Variants in RFX1 observed in about 807,000 individuals in gnomAD.
RFX1 encodes the protein regulatory factor X1, also known as MHC class II regulatory factor RFX1.
In RFX1, 42 loss-of-function variants were observed where a neutral mutation model predicts 119.6. That is an observed-to-expected ratio of 0.35 (90% CI 0.27 to 0.45). The LOEUF is 0.45. Ranked by LOEUF, RFX1 falls within the 20% of genes least tolerant of loss-of-function variation. RFX1 has a pLI of 1.00. For missense variants in RFX1, 1,118 were observed against 1,368.1 expected, an observed-to-expected ratio of 0.82 and a Z score of 2.88; for synonymous variants, 628 against 618.5, an observed-to-expected ratio of 1.02 and a Z score of -0.23.
At chr19:13,970,920 G>A (rs964720678) in intron 9 of RFX1, among the ~76,000 whole-genome samples, 1 of 151,844 alleles carries the variant, frequency 6.6e-6, no homozygotes, top group African/African-American at 2.4e-5. Context: ...GGAGGCAGAG[G>A]TTGCAGGGAG....
rs76113327 is a variant in RFX1, at chr19:13,967,530, G to A, written c.1733-779C>T. Among the ~76,000 whole-genome samples the A allele has an allele frequency of 7.1e-3, 1,072 of 151,144 alleles. 47 individuals are homozygous for A. The highest frequency in any genetic ancestry group is 0.064 in the Admixed American group (971 of 15,126). ...CTCACTGTGTCGCCCAGGCTGCAGT[G>A]CAATGGCATGATCTTGACTCACTGC... On this transcript the variant is annotated intron_variant, in intron 12 of 20. Coordinates refer to ENST00000254325, the MANE Select transcript of RFX1 (RefSeq NM_002918.5).
chr19:13,963,704 G>C lies in RFX1; in HGVS notation c.2404C>G (p.Gln802Glu). Reference protein sequence around the residue: ...WVCRCEDRVVQRLEQDFKVTL... With the variant: ...WVCRCEDRVVERLEQDFKVTL... ...ACCTTGAAGTCCTGCTCCAGCCGCT[G>C]CACCACGCGGTCCTCGCAGCGGCAC... Residue 802 changes from glutamine (Q) to glutamate (E), a missense_variant, in exon 18 of 21, where the codon CAG becomes GAG. Gln to Glu is a conservative substitution (Grantham distance 29). Coordinates refer to ENST00000254325, the MANE Select transcript of RFX1 (RefSeq NM_002918.5). 6.2e-7 allele frequency: 1 copy of C among 1,603,916 alleles called. No individual in the cohort carries two copies. The highest frequency in any genetic ancestry group is 8.5e-7 in the Non-Finnish European group (1 of 1,177,330).
chr19:13,989,707 C>T (rs938061809), intron 2 of RFX1, among the ~76,000 whole-genome samples: 27 of 152,160 alleles, frequency 1.8e-4, no homozygotes, highest in Admixed American at 1.8e-3. Context: ...TCAAAGAGTG[C>T]CCATGGAACC....
In RFX1 at chr19:13,966,404, C is replaced by A; in HGVS notation, c.1961+17G>T. ...TCCTCCCCCCTCTCCCTCCCACAGT[C>A]GCCGGGCAGTACTCACACAGCCAGC... On this transcript the variant is annotated intron_variant, in intron 14 of 20. Transcript: ENST00000254325. This position sits in a 1 kb window ranked among gnomAD's most constrained non-coding sequence, Gnocchi z 6.3. 2 of 1,552,330 alleles carry A rather than the reference C, an allele frequency of 1.3e-6. No individual in the cohort carries two copies. Among genetic ancestry groups the A allele is most frequent in the South Asian group, 2.2e-5 (2 of 89,666 alleles).
chr19:13,969,883 G>A lies in RFX1; in HGVS notation c.1496+111C>T. Reference sequence around the variant, plus strand: ...GGGGCTGTCGAGGAGCCTCGCAGAGGCCGGCGGGACTGGGCTGGACTGGAC... The same window carrying A: ...GGGGCTGTCGAGGAGCCTCGCAGAGACCGGCGGGACTGGGCTGGACTGGAC... On this transcript the variant is annotated intron_variant, in intron 10 of 20. Transcript: ENST00000254325. The surrounding 1 kb of genome is among the most constrained non-coding windows in gnomAD (Gnocchi z 4.5). 5 of 1,129,312 alleles carry A rather than the reference G, an allele frequency of 4.4e-6. No homozygotes were observed. The East Asian group carries it at 7.7e-5, about 17-fold the overall frequency. 70.0% of individuals were successfully genotyped at this position (1,129,312 alleles called of 1,614,324 possible).
chr19:13,967,354 T>C (rs1174330327), intron 12 of RFX1, among the ~76,000 whole-genome samples: 2 of 152,020 alleles, frequency 1.3e-5, no homozygotes, highest in African/African-American at 2.4e-5. Flanking sequence ...CTTTTTTTTT[T>C]TTTAAGAGAT....
In RFX1 at chr19:13,993,816, G is replaced by T. The variant is rs767143161; in HGVS notation, c.28C>A (p.Gln10Lys). The T allele has an allele frequency of 6.2e-7, 1 of 1,603,876 alleles. No homozygotes were observed. Among genetic ancestry groups the T allele is most frequent in the Non-Finnish European group, 8.5e-7 (1 of 1,176,344 alleles). MATQAYTEL[Q>K]AAPPPSQPPQ... ...GGCTGGGATGGTGGCGGGGCTGCCT[G>T]TAGCTCAGTATACGCCTGTGTTGCC... Residue 10 changes from glutamine to lysine, a missense_variant, in exon 2 of 21, where the codon CAG becomes AAG. Physicochemically the swap from Gln to Lys is moderately conservative, Grantham distance 53. Coordinates refer to ENST00000254325, the MANE Select transcript of RFX1 (RefSeq NM_002918.5).
rs1016848467 is a variant in RFX1, at chr19:13,969,662, A to G, written c.1496+332T>C. ...CCACAGAGTGAGACTCTTGTCTCCA[A>G]AAAAAAAAAAAAGTCACGTGTGAGC... is the stretch of plus-strand genomic sequence containing the variant. On this transcript the variant is annotated intron_variant, in intron 10 of 20. Transcript: ENST00000254325. The surrounding 1 kb of genome is among the most constrained non-coding windows in gnomAD (Gnocchi z 4.5). 7 of 186,990 alleles carry G rather than the reference A, an allele frequency of 3.7e-5. No homozygotes were observed. Among genetic ancestry groups the G allele is most frequent in the Non-Finnish European group, 6.6e-5 (6 of 90,806 alleles). 11.6% of individuals were successfully genotyped at this position (186,990 alleles called of 1,614,324 possible).
intron 4 of RFX1, 60 bp from the exon 5 acceptor site, chr19:13,982,288 G>T (rs1044283312): frequency 2.1e-6 from 2 of 960,182 alleles, no homozygotes; most frequent in Non-Finnish European, 2.8e-6. Flanking sequence ...CAGTTGCACC[G>T]AGCATCTGCG....
chr19:13,982,989 A>C, intron 4 of RFX1, 198 bp downstream of exon 4: 2 of 572,386 alleles, frequency 3.5e-6, no homozygotes, highest in Non-Finnish European at 6.2e-6. Flanking sequence ...TGGCTCCTGC[A>C]GCTCCTCTGT....
rs1430616288 is a variant in RFX1, at chr19:13,985,549, A to G, written c.320-1954T>C. On this transcript the variant is annotated intron_variant, in intron 2 of 20. Transcript: ENST00000254325. This position sits in a 1 kb window ranked among gnomAD's most constrained non-coding sequence, Gnocchi z 4.3. ...CAGAAGCAAGGAAGTGATCTGTCCA[A>G]GGTCAAATGCACCATCCACCGTGCA... is the stretch of plus-strand genomic sequence containing the variant. Among the ~76,000 whole-genome samples, 1 of 152,196 alleles carries G rather than the reference A, an allele frequency of 6.6e-6. No homozygotes were observed. Among genetic ancestry groups the G allele is most frequent in the African/African-American group, 2.4e-5 (1 of 41,448 alleles).
In RFX1 at chr19:13,970,126, G is replaced by A; in HGVS notation, c.1364C>T (p.Pro455Leu). 1 of 1,613,858 alleles carries A rather than the reference G, an allele frequency of 6.2e-7. No individual in the cohort carries two copies. The highest frequency in any genetic ancestry group is 8.5e-7 in the Non-Finnish European group (1 of 1,179,940). The change falls in exon 10 of 21, where the codon CCA (proline) becomes CTA (leucine). Residue 455 changes from proline to leucine, a missense_variant. Transcript: ENST00000254325. ...NYETAEGVSL[P>L]RSTLYCHYLL... ...GTAGTGGCAGTAGAGGGTGCTCCGTGGCAGACTCACGCCCTCAGCCGTCTC... is the reference window on the plus strand; with the variant it reads ...GTAGTGGCAGTAGAGGGTGCTCCGTAGCAGACTCACGCCCTCAGCCGTCTC...
chr19:13,986,456 G>A lies in RFX1; in HGVS notation c.320-2861C>T, dbSNP rs899847520. 6.6e-6 allele frequency among the ~76,000 whole-genome samples: 1 copy of A among 152,192 alleles called. No homozygotes were observed. The highest frequency in any genetic ancestry group is 1.5e-5 in the Non-Finnish European group (1 of 68,022). On this transcript the variant is annotated intron_variant, in intron 2 of 20. Coordinates refer to ENST00000254325, the MANE Select transcript of RFX1 (RefSeq NM_002918.5). This position sits in a 1 kb window ranked among gnomAD's most constrained non-coding sequence, Gnocchi z 4.2. ...ACAGGTGAGCCTGAGTGACTCATGCGGATGAGGGCTTCCTGTGCAGCCATC... is the reference window on the plus strand; with the variant it reads ...ACAGGTGAGCCTGAGTGACTCATGCAGATGAGGGCTTCCTGTGCAGCCATC...
At chr19:13,993,399 A>C in intron 2 of RFX1, 126 bp downstream of exon 2, 2 of 862,506 alleles carry the variant, frequency 2.3e-6, no homozygotes, top group Middle Eastern at 3.7e-4. Context: ...CCCCTGCCCT[A>C]GTGATACCCC....
In RFX1 at chr19:13,973,198, A is replaced by T; in HGVS notation, c.930-71T>A. Reference sequence around the variant, plus strand: ...GGGGGGCCGAGGGGCATGACTGTGCAGGAAGGGGGGTCCTAGGAGGGGACT... The same window carrying T: ...GGGGGGCCGAGGGGCATGACTGTGCTGGAAGGGGGGTCCTAGGAGGGGACT... On this transcript the variant is annotated intron_variant, in intron 8 of 20. Coordinates refer to ENST00000254325, the MANE Select transcript of RFX1 (RefSeq NM_002918.5). The T allele has an allele frequency of 3.5e-6, 3 of 855,554 alleles. No individual in the cohort carries two copies. The highest frequency in any genetic ancestry group is 5.3e-6 in the Non-Finnish European group (3 of 569,318). The allele number at this position is 855,554 out of a possible 1,614,324, so 53.0% of individuals were successfully genotyped here.
chr19:13,980,558 G>A lies in RFX1; in HGVS notation c.738+15C>T, dbSNP rs769898061. Reference sequence around the variant, plus strand: ...GTACCCCTGGACCGAGCCACTGCCCGCCTTGGCCTGGCACCTCTTGGGTGA... The same window carrying A: ...GTACCCCTGGACCGAGCCACTGCCCACCTTGGCCTGGCACCTCTTGGGTGA... On this transcript the variant is annotated intron_variant, in intron 6 of 20. Transcript: ENST00000254325. This position sits in a 1 kb window ranked among gnomAD's most constrained non-coding sequence, Gnocchi z 5.1. 3.3e-6 allele frequency: 5 copies of A among 1,523,840 alleles called. No homozygotes were observed. Among genetic ancestry groups the A allele is most frequent in the Non-Finnish European group, 2.7e-6 (3 of 1,129,202 alleles). 94.4% of individuals were successfully genotyped at this position (1,523,840 alleles called of 1,614,324 possible).
Position 13,968,581 on chromosome 19 carries a change from C to G in RFX1, c.1716G>C (p.Gln572His). Residue 572 changes from glutamine (Q) to histidine (H), a missense_variant, in exon 12 of 21, where the codon CAG (glutamine) becomes CAC (histidine). Around this residue, in one of 5 missense-constraint regions of RFX1, gnomAD observed 338 missense variants for 508.9 expected, o/e 0.66. Transcript: ENST00000254325. This position sits in a 1 kb window ranked among gnomAD's most constrained non-coding sequence, Gnocchi z 5.5. ...AGCTCTCACCCAAAAATTGCTGGTA[C>G]TGCTGCACCTGGGCGCTGATGTCCG... ...GLSDISAQVQ[Q>H]YQQFLDASRS... 1 of 1,613,408 alleles carries G rather than the reference C, an allele frequency of 6.2e-7. No individual in the cohort carries two copies. Among genetic ancestry groups the G allele is most frequent in the East Asian group, 2.2e-5 (1 of 44,886 alleles).
rs774686408 is a variant in RFX1 at position 13,993,574 on chromosome 19, T to G, written c.270A>C (p.Ala90=). The G allele has an allele frequency of 6.2e-7, 1 of 1,612,902 alleles. No homozygotes were observed. Among genetic ancestry groups the G allele is most frequent in the Admixed American group, 1.7e-5 (1 of 59,812 alleles). The change falls in exon 2 of 21, where the codon GCA becomes GCC. Residue 90 remains alanine (A), a synonymous_variant. Transcript: ENST00000254325. ...GCTGGGGTGCAGGCGAAGGGGTGGG[T>G]GCACCGGTTGGCTGCGAGGGTGCGG... The part of the protein sequence containing the change: ...AVPAPSQPTG[A]PTPSPAPQQY...
At chr19:13,996,615 C>T (rs1307667611) in intron 1 of RFX1, among the ~76,000 whole-genome samples, 1 of 151,878 alleles carries the variant, frequency 6.6e-6, no homozygotes, top group Non-Finnish European at 1.5e-5. Context: ...CTGAAAGCCT[C>T]GAGCAACTGG....
Sources: gnomAD v4.1 joint callset for allele counts (sites outside exome capture counted in the v4.1 genomes callset) on GRCh38, gnomAD v4.1.1 for gene constraint, gnomAD v4.1.1 regional missense constraint, Gnocchi (gnomAD v3.1) non-coding constraint, MANE v1.5 for transcripts, NCBI Gene and HGNC (gene_info 2026-07-23, HGNC 2026-07-21) for gene names.